BTRC: variants seen among roughly 807,000 people sequenced by gnomAD.
BTRC encodes F-box/WD repeat-containing protein 1A.
Under a neutral mutation model 85.5 loss-of-function variants are expected in BTRC, and 42 were observed. That is an observed-to-expected ratio of 0.49 (90% CI 0.38 to 0.64). BTRC has a LOEUF of 0.64. BTRC is among the 30% of genes least tolerant of loss of function. The pLI is 0.00. For missense variants in BTRC, 594 were observed against 743.5 expected, an observed-to-expected ratio of 0.80 and a Z score of 2.34; for synonymous variants, 255 against 263.3, an observed-to-expected ratio of 0.97 and a Z score of 0.30.
At chr10:101,518,819 C>CA (rs1345594988) in intron 4 of BTRC, among the ~76,000 whole-genome samples, 1 of 150,866 alleles carries the variant, frequency 6.6e-6, no homozygotes, top group Non-Finnish European at 1.5e-5. Flanking sequence ...GTTAAAATGT[C>CA]ACCTTTTTCA....
chr10:101,480,785 TAGAGTTCATCAGTTA>T (rs1945813394), intron 4 of BTRC, among the ~76,000 whole-genome samples: 1 of 152,216 alleles, frequency 6.6e-6, no homozygotes, highest in Non-Finnish European at 1.5e-5. Context: ...TTTAAAAAGG[TAGAGTTCATCAGTTA>T]AATGTCTCAA....
At chr10:101,406,398 T>A (rs915046801) in intron 1 of BTRC, among the ~76,000 whole-genome samples, 9 of 151,792 alleles carry the variant, frequency 5.9e-5, no homozygotes, top group African/African-American at 1.9e-4. Flanking sequence ...TCTCCTGACC[T>A]CGTGATCCGC....
intron 4 of BTRC, among the ~76,000 whole-genome samples, chr10:101,495,143 A>G (rs988238271): frequency 1.3e-5 from 2 of 152,248 alleles, no homozygotes; most frequent in Non-Finnish European, 2.9e-5. Flanking sequence ...CTTAGACAAT[A>G]CTACAGGTAC....
chr10:101,357,937 CCTTT>C (rs1365073418), intron 1 of BTRC, among the ~76,000 whole-genome samples: 15 of 152,122 alleles, frequency 9.9e-5, no homozygotes, highest in African/African-American at 3.6e-4. Context: ...TCCTCAAGGA[CCTTT>C]CTTAATACTT....
At chr10:101,368,862 T>C (rs1352169968) in intron 1 of BTRC, among the ~76,000 whole-genome samples, 1 of 151,968 alleles carries the variant, frequency 6.6e-6, no homozygotes, top group Admixed American at 6.6e-5. Flanking sequence ...CTACTAAAGG[T>C]ACAAAAGTTA....
At chr10:101,516,108 A>G (rs1169086637) in intron 4 of BTRC, among the ~76,000 whole-genome samples, 2 of 152,212 alleles carry the variant, frequency 1.3e-5, no homozygotes, top group East Asian at 3.8e-4. Context: ...GAAAAAATAT[A>G]TAGTGAAAAA....
At chr10:101,357,168 C>G (rs997326248) in intron 1 of BTRC, among the ~76,000 whole-genome samples, 3 of 144,342 alleles carry the variant, frequency 2.1e-5, no homozygotes, top group African/African-American at 7.8e-5. Flanking sequence ...ATTGGCCAGG[C>G]GTGGTGGCTC....
chr10:101,540,550 A>G (rs535540281), intron 13 of BTRC, among the ~76,000 whole-genome samples: 2 of 152,334 alleles, frequency 1.3e-5, no homozygotes, highest in South Asian at 4.1e-4. Flanking sequence ...AAGTAATGTG[A>G]GTCCTTCAGC....
At chr10:101,395,523 C>T (rs1943342129) in intron 1 of BTRC, among the ~76,000 whole-genome samples, 2 of 152,170 alleles carry the variant, frequency 1.3e-5, no homozygotes, top group Admixed American at 1.3e-4. Context: ...TTAACATTTA[C>T]AGACCCTTCC....
At chr10:101,484,873 G>A (rs1945940786) in intron 4 of BTRC, among the ~76,000 whole-genome samples, 1 of 152,202 alleles carries the variant, frequency 6.6e-6, no homozygotes, top group South Asian at 2.1e-4. Flanking sequence ...TTGGGTTACA[G>A]AGATATACAC....
chr10:101,426,264 A>G (rs1382789121), intron 1 of BTRC, among the ~76,000 whole-genome samples: 1 of 152,250 alleles, frequency 6.6e-6, no homozygotes, highest in East Asian at 1.9e-4. Flanking sequence ...TAATTGTTAC[A>G]AAACAAACCA....
chr10:101,371,353 T>G (rs190341442), intron 1 of BTRC, among the ~76,000 whole-genome samples: 3 of 152,282 alleles, frequency 2.0e-5, no homozygotes, highest in Non-Finnish European at 4.4e-5. Context: ...AATTTTTGTA[T>G]TTTTAGTAGA....
rs78387728 is a variant in BTRC, at chr10:101,489,697, T to C, written c.324+10240T>C. The stretch of plus-strand genomic sequence containing the variant: ...ATGACTCTTCTACTCTATACCAAGT[T>C]TCTATGAAAATAAAATTGTATTTTT... On this transcript the variant is annotated intron_variant, in intron 4 of 14. Transcript: ENST00000370187. Among the ~76,000 whole-genome samples, 252 of 152,234 alleles carry C rather than the reference T, an allele frequency of 1.7e-3. 2 individuals carry two copies. The East Asian group carries it at 0.036, about 22-fold the overall frequency.
intron 1 of BTRC, among the ~76,000 whole-genome samples, chr10:101,369,566 T>C (rs139678043): frequency 7.7e-4 from 118 of 152,306 alleles, no homozygotes; most frequent in African/African-American, 2.7e-3. Context: ...TCTGAGAAGC[T>C]CTTTTAGAAG....
chr10:101,381,192 C>T (rs1265746185), intron 1 of BTRC, among the ~76,000 whole-genome samples: 8 of 152,122 alleles, frequency 5.3e-5, no homozygotes, highest in Admixed American at 3.9e-4. Context: ...GGATTCTAGA[C>T]ACTATATATA....
intron 1 of BTRC, among the ~76,000 whole-genome samples, chr10:101,355,146 C>T (rs1941997650): frequency 6.6e-6 from 1 of 151,976 alleles, no homozygotes; most frequent in South Asian, 2.1e-4. Flanking sequence ...ATGTGGAGGC[C>T]AGGTGCTTTG....
intron 1 of BTRC, among the ~76,000 whole-genome samples, chr10:101,423,705 T>C (rs971173509): frequency 5.3e-5 from 8 of 152,200 alleles, no homozygotes; most frequent in Admixed American, 3.3e-4. Flanking sequence ...GACAAGAAGG[T>C]AATGCTTAAA....
intron 1 of BTRC, among the ~76,000 whole-genome samples, chr10:101,405,483 A>G (rs1589428707): frequency 6.6e-6 from 1 of 152,352 alleles, no homozygotes; most frequent in Middle Eastern, 3.4e-3. Flanking sequence ...TCCTTAAGCT[A>G]GAACTAGAGG....
At chr10:101,461,635 A>C (rs907705383) in intron 2 of BTRC, among the ~76,000 whole-genome samples, 1 of 152,194 alleles carries the variant, frequency 6.6e-6, no homozygotes, top group Admixed American at 6.5e-5. Context: ...GGTAATAATC[A>C]TGGTTTTAGT....
Sources: allele counts gnomAD v4.1 joint callset (sites outside exome capture counted in the v4.1 genomes callset), GRCh38; gene constraint gnomAD v4.1.1; transcripts MANE v1.5; gene names NCBI Gene and HGNC (gene_info 2026-07-23, HGNC 2026-07-21).